Variants in SLC30A5 observed in about 807,000 individuals in gnomAD.
The protein encoded by SLC30A5 is solute carrier family 30 member 5, also known as proton-coupled zinc antiporter SLC30A5.
In SLC30A5, 33 loss-of-function variants were observed where a neutral mutation model predicts 79.6. The observed-to-expected ratio is 0.41, with a 90% CI of 0.31 to 0.55. The LOEUF is 0.55. Among genes scored for constraint, SLC30A5 ranks in the 20% least tolerant of loss-of-function variants. SLC30A5 has a pLI of 0.20. For synonymous variants in SLC30A5, 299 were observed against 319.7 expected (o/e 0.94, Z 0.69); for missense variants, 788 against 928.1 (o/e 0.85, Z 1.96).
At chr5:69,101,277 CT>C (rs1196908206) in intron 2 of SLC30A5, among the ~76,000 whole-genome samples, 56 of 145,448 alleles carry the variant, frequency 3.9e-4, no homozygotes, top group Admixed American at 1.0e-3. Context: ...ATACGAAATG[CT>C]TTTTTTTTTT....
At chr5:69,112,661 T>C (rs1162759544) in intron 5 of SLC30A5, among the ~76,000 whole-genome samples, 1 of 152,230 alleles carries the variant, frequency 6.6e-6, no homozygotes, top group Non-Finnish European at 1.5e-5. Flanking sequence ...ATCAGCTTTT[T>C]AAGTACTTTG....
In SLC30A5 at chr5:69,121,055, C is replaced by T. The variant is rs182483451; in HGVS notation, c.1570-639C>T. Among the ~76,000 whole-genome samples the T allele has an allele frequency of 2.9e-3, 436 of 152,268 alleles. 10 individuals are homozygous for T. Among genetic ancestry groups the T allele is most frequent in the Admixed American group, 0.021 (324 of 15,286 alleles). ...TGCCTGTAATCCCATAATCCCAACA[C>T]TTTTGGAGGCCAAGGTGAGAAGATC... is the stretch of plus-strand genomic sequence containing the variant. On this transcript the variant is annotated intron_variant, in intron 12 of 15. Transcript: ENST00000396591.
intron 1 of SLC30A5, among the ~76,000 whole-genome samples, chr5:69,097,432 T>G (rs902133815): frequency 9.2e-5 from 14 of 152,230 alleles, no homozygotes; most frequent in Admixed American, 9.2e-4. Context: ...CTCTTTTTCT[T>G]TCCTTCCCTT....
At chr5:69,114,940 T>C (rs1297648034) in intron 7 of SLC30A5, among the ~76,000 whole-genome samples, 4 of 152,078 alleles carry the variant, frequency 2.6e-5, no homozygotes, top group African/African-American at 9.7e-5. Context: ...TAATTGAGTA[T>C]ATGGGAAAAA....
chr5:69,120,491 A>G (rs923914058), intron 12 of SLC30A5, among the ~76,000 whole-genome samples: 1 of 152,218 alleles, frequency 6.6e-6, no homozygotes, highest in Non-Finnish European at 1.5e-5. Context: ...CACCATTTTA[A>G]GCGTGACTAA....
At chr5:69,111,730 A>G (rs1402678850) in intron 5 of SLC30A5, among the ~76,000 whole-genome samples, 1 of 152,204 alleles carries the variant, frequency 6.6e-6, no homozygotes, top group African/African-American at 2.4e-5. Flanking sequence ...ACTCAGTGAA[A>G]ACTTAAGAAA....
In SLC30A5 at chr5:69,104,810, G is replaced by C. The variant is rs893154503; in HGVS notation, c.359+94G>C. 3.9e-6 allele frequency: 5 copies of C among 1,272,040 alleles called. No individual in the cohort carries two copies. The African/African-American group carries it at 7.5e-5, about 19-fold the overall frequency. The allele number at this position is 1,272,040 out of a possible 1,614,324, so 78.8% of individuals were successfully genotyped here. On this transcript the variant is annotated intron_variant, in intron 4 of 15. Transcript: ENST00000396591. ...TGTGTTTTACGTCAAATATTTATCT[G>C]TACAAATGTGTCTAGCACTTTTATA...
chr5:69,123,330 C>T lies in SLC30A5; in HGVS notation c.1903C>T (p.Leu635Phe), dbSNP rs764666917. 1 of 1,613,648 alleles carries T rather than the reference C, an allele frequency of 6.2e-7. No homozygotes were observed. The highest frequency in any genetic ancestry group is 1.7e-5 in the Admixed American group (1 of 59,990). Residue 635 changes from leucine to phenylalanine, a missense_variant, in exon 14 of 16, where the codon CTC becomes TTC. Physicochemically the swap from Leu to Phe is conservative, Grantham distance 22 (BLOSUM62 0). Around this residue, in one of 3 missense-constraint regions of SLC30A5, gnomAD observed 158 missense variants for 156.2 expected, o/e 1.01. Transcript: ENST00000396591. ...TCTTTTTATTGCTATATTAATATTTCTCAGTGTTGTTCCACTGATTAAAGA... is the reference window on the plus strand; with the variant it reads ...TCTTTTTATTGCTATATTAATATTTTTCAGTGTTGTTCCACTGATTAAAGA... The part of the protein sequence containing the change: ...CSLFIAILIF[L>F]SVVPLIKDAC...
rs1301989500 is a variant in SLC30A5 at position 69,129,471 on chromosome 5, G to A, written c.2152G>A (p.Gly718Arg). Reference sequence around the variant, plus strand: ...GGTTACAGGAATACTTAAAGATGCTGGAGTAAACAATTTAACAATTCAAGT... The same window carrying A: ...GGTTACAGGAATACTTAAAGATGCTAGAGTAAACAATTTAACAATTCAAGT... ...QQVTGILKDAGVNNLTIQVEK... is the reference protein window; with the variant it reads ...QQVTGILKDARVNNLTIQVEK... Residue 718 changes from glycine to arginine, a missense_variant, in exon 16 of 16, where the codon GGA becomes AGA. Gly to Arg is a moderately radical substitution (Grantham distance 125). Around this residue, in one of 3 missense-constraint regions of SLC30A5, gnomAD observed 158 missense variants for 156.2 expected, o/e 1.01. Coordinates refer to ENST00000396591, the MANE Select transcript of SLC30A5 (RefSeq NM_022902.5). The A allele has an allele frequency of 1.2e-6, 2 of 1,612,470 alleles. No homozygotes were observed. Among genetic ancestry groups the A allele is most frequent in the Admixed American group, 1.7e-5 (1 of 59,952 alleles).
Position 69,130,992 on chromosome 5 carries a change from T to C in SLC30A5, c.*1375T>C, listed in dbSNP as rs1027889130. ...GGTTTTAGAAATTTGTTGTAAGTTATTTTTATATTCCTTGTCTTTTGCATA... is the reference window on the plus strand; with the variant it reads ...GGTTTTAGAAATTTGTTGTAAGTTACTTTTATATTCCTTGTCTTTTGCATA... On this transcript the variant is annotated 3_prime_UTR_variant, in exon 16 of 16. Coordinates refer to ENST00000396591, the MANE Select transcript of SLC30A5 (RefSeq NM_022902.5). 6.6e-6 allele frequency: 1 copy of C among 152,182 alleles called. No individual in the cohort carries two copies. Among genetic ancestry groups the C allele is most frequent in the Non-Finnish European group, 1.5e-5 (1 of 68,034 alleles). The allele number at this position is 152,182 out of a possible 1,614,324, so 9.4% of individuals were successfully genotyped here.
rs772213524 is a variant in SLC30A5, at chr5:69,129,204, T to TACTC, written c.2128-242_2128-239dup. ...CGATTTGCGATTTTATTTTTTTTAA[T>TACTC]ACTCGCATTACGCTTACCAGTTGAG... On this transcript the variant is annotated intron_variant, in intron 15 of 15. Transcript: ENST00000396591. 2.0e-3 allele frequency among the ~76,000 whole-genome samples: 303 copies of TACTC among 152,336 alleles called. 2 individuals are homozygous for TACTC. Among genetic ancestry groups the TACTC allele is most frequent in the Non-Finnish European group, 2.6e-3 (176 of 68,030 alleles).
At chr5:69,103,987 G>C (rs1746007539) in intron 3 of SLC30A5, 1 of 1,566,598 alleles carries the variant, frequency 6.4e-7, no homozygotes, top group Admixed American at 1.8e-5. Context: ...AAAATTCCTG[G>C]TAGAAAAGAA....
chr5:69,116,100 T>G lies in SLC30A5; in HGVS notation c.958T>G (p.Trp320Gly). Residue 320 changes from tryptophan to glycine, a missense_variant, in exon 9 of 16, where the codon TGG (tryptophan) becomes GGG (glycine). Physicochemically the swap from Trp to Gly is radical, Grantham distance 184. This residue lies in a region of SLC30A5 where 626 missense variants were observed against 755.5 expected (regional missense o/e 0.83). Transcript: ENST00000396591. This position sits in a 1 kb window ranked among gnomAD's most constrained non-coding sequence, Gnocchi z 4.0. ...TAGTGCTCTCCTTTTTGGAAATTTT[T>G]GGACACATCCAATAACAGACCAGCT... The part of the protein sequence containing the change: ...FISALLFGNF[W>G]THPITDQLRA... 15 of 1,614,208 alleles carry G rather than the reference T, an allele frequency of 9.3e-6. No homozygotes were observed. The highest frequency in any genetic ancestry group is 1.3e-5 in the African/African-American group (1 of 75,060).
Position 69,130,532 on chromosome 5 carries a change from C to T in SLC30A5, c.*915C>T, listed in dbSNP as rs1384957898. ...TTGAATTCTCTGCCTATGTAGGTAA[C>T]TTTTTTCTAATTTCTGGAACATATA... is the stretch of plus-strand genomic sequence containing the variant. On this transcript the variant is annotated 3_prime_UTR_variant, in exon 16 of 16. Transcript: ENST00000396591. The T allele has an allele frequency of 6.6e-6, 1 of 152,052 alleles. No individual in the cohort carries two copies. The highest frequency in any genetic ancestry group is 1.5e-5 in the Non-Finnish European group (1 of 68,000). 9.4% of individuals were successfully genotyped at this position (152,052 alleles called of 1,614,324 possible).
At position 69,104,738 on chromosome 5, in the gene SLC30A5, G is replaced by T. The variant is rs80069924; in HGVS notation, c.359+22G>T. Reference sequence around the variant, plus strand: ...TAAGGTAAATAAAAATGCATATTTTGAATGTGTGTTTGTATTTCTTCATTT... The same window carrying T: ...TAAGGTAAATAAAAATGCATATTTTTAATGTGTGTTTGTATTTCTTCATTT... On this transcript the variant is annotated intron_variant, in intron 4 of 15. Transcript: ENST00000396591. 1,568 of 1,595,098 alleles carry T rather than the reference G, an allele frequency of 9.8e-4. 17 individuals are homozygous for T. The African/African-American group carries it at 0.018, about 18-fold the overall frequency.
At chr5:69,128,506 G>T (rs1191804189) in intron 15 of SLC30A5, among the ~76,000 whole-genome samples, 1 of 152,008 alleles carries the variant, frequency 6.6e-6, no homozygotes, top group East Asian at 1.9e-4. Context: ...CAGGTGATCC[G>T]CCTGCCTCGA....
At position 69,094,099 on chromosome 5, in the gene SLC30A5, G is replaced by T. The variant is rs1434269974; in HGVS notation, c.-157G>T. On this transcript the variant is annotated 5_prime_UTR_variant, in exon 1 of 16. Transcript: ENST00000396591. ...CCGACGCGTGTGTGCTAGTGAGCCG[G>T]AGCCGGCGACGGCGGCAGTGGCGGC... 1 of 413,686 alleles carries T rather than the reference G, an allele frequency of 2.4e-6. No individual in the cohort carries two copies. Among genetic ancestry groups the T allele is most frequent in the Non-Finnish European group, 4.3e-6 (1 of 233,404 alleles). The allele number at this position is 413,686 out of a possible 1,614,324, so 25.6% of individuals were successfully genotyped here. A position where few individuals can be genotyped will look rare whatever the true frequency, so the allele number is the denominator to read the frequency against.
chr5:69,129,798 G>A lies in SLC30A5; in HGVS notation c.*181G>A, dbSNP rs1009446436. On this transcript the variant is annotated 3_prime_UTR_variant, in exon 16 of 16. Coordinates refer to ENST00000396591, the MANE Select transcript of SLC30A5 (RefSeq NM_022902.5). ...ACAGAATGAAACATTAATGGTAAAA[G>A]TGGAGTAATTATTTAAATTATGTGT... 7 of 467,144 alleles carry A rather than the reference G, an allele frequency of 1.5e-5. No homozygotes were observed. The highest frequency in any genetic ancestry group is 2.2e-5 in the Non-Finnish European group (6 of 272,982). The allele number at this position is 467,144 out of a possible 1,614,324, so 28.9% of individuals were successfully genotyped here.
At chr5:69,117,452 A>C in intron 11 of SLC30A5, 56 bp downstream of exon 11, 1 of 1,429,162 alleles carries the variant, frequency 7.0e-7, no homozygotes, top group Non-Finnish European at 9.7e-7. Context: ...CATCTTAAGG[A>C]ACAGAATTAT....
Sources: allele counts gnomAD v4.1 joint callset (sites outside exome capture counted in the v4.1 genomes callset), GRCh38; gene constraint gnomAD v4.1.1; regional missense constraint gnomAD v4.1.1; non-coding constraint Gnocchi (gnomAD v3.1); transcripts MANE v1.5; gene names NCBI Gene and HGNC (gene_info 2026-07-23, HGNC 2026-07-21).